NELL2: variants seen among roughly 807,000 people sequenced by gnomAD.
The protein encoded by NELL2 is protein kinase C-binding protein NELL2.
In NELL2, 41 loss-of-function variants were observed where a neutral mutation model predicts 109.6. The ratio of observed to expected loss-of-function variants is 0.37; its 90% CI spans 0.29 to 0.49. NELL2 has a LOEUF of 0.49. Ranked by LOEUF, NELL2 falls within the 20% of genes least tolerant of loss-of-function variation. NELL2 has a pLI of 0.98. For missense variants in NELL2, 900 were observed against 1,008.3 expected (o/e 0.89, Z 1.45); for synonymous variants, 355 against 344.7 (o/e 1.03, Z -0.33).
intron 3 of NELL2, among the ~76,000 whole-genome samples, chr12:44,785,324 G>A (rs1942122091): frequency 6.6e-6 from 1 of 152,112 alleles, no homozygotes; most frequent in Admixed American, 6.5e-5. Context: ...CAACTTACAA[G>A]GGATGCGAAG....
At chr12:44,906,398 T>G (rs927602750) in intron 1 of NELL2, among the ~76,000 whole-genome samples, 4 of 152,104 alleles carry the variant, frequency 2.6e-5, no homozygotes, top group African/African-American at 9.7e-5. Flanking sequence ...TATGACATAT[T>G]TAAAACTCTT....
At chr12:44,527,741 T>C (rs1019775982) in intron 16 of NELL2, among the ~76,000 whole-genome samples, 4 of 152,082 alleles carry the variant, frequency 2.6e-5, no homozygotes, top group African/African-American at 9.7e-5. Flanking sequence ...AATGGAGAGT[T>C]GTTTAGAAGT....
intron 11 of NELL2, among the ~76,000 whole-genome samples, chr12:44,709,236 C>T (rs1340336591): frequency 6.6e-6 from 1 of 152,140 alleles, no homozygotes; most frequent in Admixed American, 6.5e-5. Context: ...CCTGTGAGTG[C>T]TTTGACCAAT....
chr12:44,758,887 T>C (rs1941005201), intron 9 of NELL2, among the ~76,000 whole-genome samples: 1 of 152,224 alleles, frequency 6.6e-6, no homozygotes, highest in African/African-American at 2.4e-5. Flanking sequence ...ATTTCTATTC[T>C]GTTCTATTTG....
At chr12:44,555,952 A>G (rs763723855) in intron 15 of NELL2, among the ~76,000 whole-genome samples, 4 of 152,212 alleles carry the variant, frequency 2.6e-5, no homozygotes, top group Non-Finnish European at 4.4e-5. Flanking sequence ...TTAGGTACAC[A>G]TATACCCAAG....
intron 12 of NELL2, among the ~76,000 whole-genome samples, chr12:44,668,852 T>C (rs1948039620): frequency 6.6e-6 from 1 of 152,028 alleles, no homozygotes; most frequent in Non-Finnish European, 1.5e-5. Flanking sequence ...GTGTCACAAA[T>C]GCTGTCTAAG....
chr12:44,786,283 T>C (rs1040594966), intron 3 of NELL2, among the ~76,000 whole-genome samples: 1 of 152,084 alleles, frequency 6.6e-6, no homozygotes, highest in Non-Finnish European at 1.5e-5. Flanking sequence ...AAAAAGTTCA[T>C]ATTACTGGTC....
intron 1 of NELL2, among the ~76,000 whole-genome samples, chr12:44,909,005 A>G (rs1167418635): frequency 6.6e-6 from 1 of 151,948 alleles, no homozygotes; most frequent in African/African-American, 2.4e-5. Context: ...TAATTGAGAA[A>G]TCAATACAAT....
chr12:44,642,378 A>G (rs1445570155), intron 13 of NELL2, among the ~76,000 whole-genome samples: 1 of 152,244 alleles, frequency 6.6e-6, no homozygotes, highest in Non-Finnish European at 1.5e-5. Flanking sequence ...ATAATAAAAC[A>G]ATGTTCATAG....
chr12:44,771,349 A>ATTTT (rs1254910912), intron 9 of NELL2, among the ~76,000 whole-genome samples: 72 of 144,810 alleles, frequency 5.0e-4, no homozygotes, highest in Non-Finnish European at 9.9e-4. Context: ...GTTTTTTTAA[A>ATTTT]AAAAAAAAAG....
intron 15 of NELL2, among the ~76,000 whole-genome samples, chr12:44,541,127 T>C (rs1425242038): frequency 1.3e-5 from 2 of 151,258 alleles, no homozygotes; most frequent in Admixed American, 6.6e-5. Flanking sequence ...GGTGGCTGCC[T>C]GTAGTCCCAG....
chr12:44,743,390 C>G (rs1054611565), intron 9 of NELL2, among the ~76,000 whole-genome samples: 2 of 152,182 alleles, frequency 1.3e-5, no homozygotes, highest in Admixed American at 1.3e-4. Flanking sequence ...GAAACTGCAT[C>G]AACTAACGAG....
upstream of NELL2, among the ~76,000 whole-genome samples, chr12:44,918,122 A>T (rs113512548): frequency 1.7e-3 from 262 of 152,336 alleles, 1 homozygote; most frequent in African/African-American, 5.8e-3. Context: ...GCAGACGCAA[A>T]CATCACAGCT....
chr12:44,638,683 C>A (rs1189963828), intron 13 of NELL2, among the ~76,000 whole-genome samples: 1 of 152,106 alleles, frequency 6.6e-6, no homozygotes, highest in East Asian at 1.9e-4. Flanking sequence ...TCTAGCTTCA[C>A]CCTAGGACCC....
At chr12:44,631,184 C>A (rs1946444633) in intron 13 of NELL2, among the ~76,000 whole-genome samples, 2 of 150,060 alleles carry the variant, frequency 1.3e-5, no homozygotes. Flanking sequence ...TTTACTTCTT[C>A]TCTAACATAT....
chr12:44,713,211 C>CAG (rs1218389721), intron 10 of NELL2, among the ~76,000 whole-genome samples: 8 of 100,736 alleles, frequency 7.9e-5, no homozygotes, highest in African/African-American at 2.9e-4. Context: ...CACACACACA[C>CAG]ACACAGAGAG....
intron 2 of NELL2, among the ~76,000 whole-genome samples, chr12:44,856,493 C>G (rs963202302): frequency 2.6e-5 from 4 of 152,074 alleles, no homozygotes; most frequent in African/African-American, 9.7e-5. Flanking sequence ...ACTCTGTGAT[C>G]ATTAGAGGCC....
chr12:44,675,572 C>T (rs775883303), intron 12 of NELL2, among the ~76,000 whole-genome samples: 5 of 152,126 alleles, frequency 3.3e-5, no homozygotes, highest in Admixed American at 2.0e-4. Context: ...TGTAATTATT[C>T]GGAATCATAG....
intron 3 of NELL2, among the ~76,000 whole-genome samples, chr12:44,798,689 A>C (rs1942718509): frequency 6.6e-6 from 1 of 152,158 alleles, no homozygotes; most frequent in Admixed American, 6.5e-5. Context: ...AAAAAGCAAA[A>C]TTTGGAGAAC....
Sources: allele counts gnomAD v4.1 joint callset (sites outside exome capture counted in the v4.1 genomes callset), GRCh38; gene constraint gnomAD v4.1.1; transcripts MANE v1.5; gene names NCBI Gene and HGNC (gene_info 2026-07-23, HGNC 2026-07-21).